The following ATP8B1 variants were observed in gnomAD, a reference collection of about 807,000 sequenced individuals.
ATP8B1 encodes the protein ATPase phospholipid transporting 8B1.
ATP8B1 carries 80 observed loss-of-function variants against 149.9 expected under a neutral mutation model. The ratio of observed to expected loss-of-function variants is 0.53; its 90% CI spans 0.45 to 0.64. ATP8B1 has a LOEUF of 0.64. Among genes scored for constraint, ATP8B1 ranks in the 30% least tolerant of loss-of-function variants. ATP8B1 has a pLI of 0.00. For synonymous variants in ATP8B1, 536 were observed against 562.8 expected (o/e 0.95, Z 0.67); for missense variants, 1,247 against 1,552.6 (o/e 0.80, Z 3.31).
chr18:57,700,526 G>A (rs555529532), intron 6 of ATP8B1, among the ~76,000 whole-genome samples: 1 of 152,070 alleles, frequency 6.6e-6, no homozygotes, highest in Non-Finnish European at 1.5e-5. Context: ...AAATTTTAAT[G>A]AATATTTCCT....
intron 1 of ATP8B1, among the ~76,000 whole-genome samples, chr18:57,789,826 G>T (rs2080444635): frequency 1.3e-5 from 2 of 152,100 alleles, no homozygotes; most frequent in African/African-American, 2.4e-5. Flanking sequence ...ACATAAATTA[G>T]TGCAAACTAA....
intron 1 of ATP8B1, among the ~76,000 whole-genome samples, chr18:57,777,935 C>G (rs2080321173): frequency 6.6e-6 from 1 of 152,124 alleles, no homozygotes; most frequent in Non-Finnish European, 1.5e-5. Context: ...ATTACTTATT[C>G]CAAAAATTAA....
chr18:57,795,228 C>T (rs1250400532), intron 1 of ATP8B1, among the ~76,000 whole-genome samples: 2 of 148,442 alleles, frequency 1.3e-5, no homozygotes, highest in African/African-American at 5.0e-5. Context: ...CACAGACACA[C>T]ACACACACAT....
At chr18:57,680,679 A>G (rs1439270644) in intron 15 of ATP8B1, among the ~76,000 whole-genome samples, 3 of 123,768 alleles carry the variant, frequency 2.4e-5, no homozygotes, top group African/African-American at 8.8e-5. Flanking sequence ...TTTCTCCTCA[A>G]TCCTCTCACC....
At chr18:57,711,755 A>C (rs1913698738) in intron 2 of ATP8B1, among the ~76,000 whole-genome samples, 1 of 151,936 alleles carries the variant, frequency 6.6e-6, no homozygotes, top group Non-Finnish European at 1.5e-5. Flanking sequence ...ATCGTACCTA[A>C]TTTTTAAATT....
chr18:57,664,368 G>T (rs763351735), intron 20 of ATP8B1, among the ~76,000 whole-genome samples: 1 of 151,492 alleles, frequency 6.6e-6, no homozygotes, highest in Non-Finnish European at 1.5e-5. Context: ...TTACCCAGGC[G>T]TGGTGGCGGT....
intron 15 of ATP8B1, among the ~76,000 whole-genome samples, chr18:57,680,585 A>AGAAAC (rs1555691193): frequency 4.2e-5 from 6 of 144,076 alleles, no homozygotes; most frequent in South Asian, 4.5e-4. Flanking sequence ...ACTTGGTCTC[A>AGAAAC]AAAACAAAAC....
At chr18:57,708,001 A>AGC (rs1913494123) in intron 2 of ATP8B1, among the ~76,000 whole-genome samples, 1 of 151,342 alleles carries the variant, frequency 6.6e-6, no homozygotes, top group Non-Finnish European at 1.5e-5. Flanking sequence ...TACTAAAAAC[A>AGC]CAAAAAAGTA....
At chr18:57,770,695 C>T (rs886952796) in intron 1 of ATP8B1, among the ~76,000 whole-genome samples, 2 of 152,246 alleles carry the variant, frequency 1.3e-5, no homozygotes, top group African/African-American at 2.4e-5. Context: ...GCAAACCACA[C>T]GCAGGGGACA....
intron 1 of ATP8B1, chr18:57,735,240 C>A: frequency 5.9e-6 from 1 of 170,646 alleles, no homozygotes; most frequent in Non-Finnish European, 1.2e-5. Flanking sequence ...CCGCTGACTT[C>A]CATCCCTCCA....
chr18:57,684,139 G>A lies in ATP8B1; in HGVS notation c.1527C>T (p.Asp509=), dbSNP rs755947237. The A allele has an allele frequency of 4.3e-6, 7 of 1,614,044 alleles. No individual in the cohort carries two copies. The highest frequency in any genetic ancestry group is 5.9e-6 in the Non-Finnish European group (7 of 1,179,972). ...TYADGKLAFY[D]HYLIEQIQSG... is the part of the protein sequence containing the mutation. ...ACTGGATTTGCTCAATAAGATAGTG[G>A]TCATAAAATGCAAGCTTCCCATCAG... Residue 509 remains aspartate (D), a synonymous_variant, in exon 15 of 28, where the codon GAC becomes GAT. Transcript: ENST00000648908.
chr18:57,707,274 C>T (rs112444094), intron 2 of ATP8B1, among the ~76,000 whole-genome samples: 20,564 of 151,808 alleles, frequency 0.14, 1,861 homozygotes, highest in South Asian at 0.28. Flanking sequence ...CTAGCCTGGG[C>T]GACAGAGCAA....
In ATP8B1 at chr18:57,783,287, A is replaced by G. The variant is rs190481701; in HGVS notation, c.-26+19711T>C. ...GGCATCTGATGGAACGCAGGCATGG[A>G]TAAGATAATATTTATATATCTTTAT... is the stretch of plus-strand genomic sequence containing the variant. On this transcript the variant is annotated intron_variant, in intron 1 of 27. Transcript: ENST00000648908. Among the ~76,000 whole-genome samples, 437 of 152,302 alleles carry G rather than the reference A, an allele frequency of 2.9e-3. 5 individuals are homozygous for G. Among genetic ancestry groups the G allele is most frequent in the Admixed American group, 0.024 (369 of 15,300 alleles).
intron 1 of ATP8B1, among the ~76,000 whole-genome samples, chr18:57,792,141 A>G (rs1369351009): frequency 1.3e-5 from 2 of 152,228 alleles, no homozygotes; most frequent in African/African-American, 4.8e-5. Flanking sequence ...CTGGGCACAA[A>G]ACATTCCTTT....
intron 6 of ATP8B1, among the ~76,000 whole-genome samples, chr18:57,700,665 G>A (rs1275038861): frequency 1.3e-5 from 2 of 152,146 alleles, no homozygotes; most frequent in Non-Finnish European, 2.9e-5. Flanking sequence ...GCTTACACCT[G>A]TAATCCCAAC....
At chr18:57,746,132 A>C (rs1315304447) in intron 1 of ATP8B1, among the ~76,000 whole-genome samples, 2 of 152,244 alleles carry the variant, frequency 1.3e-5, no homozygotes, top group African/African-American at 2.4e-5. Context: ...TTTAGAACTA[A>C]CATTTGCACT....
At chr18:57,764,757 C>CAAA (rs71171091) in intron 1 of ATP8B1, among the ~76,000 whole-genome samples, 11 of 104,148 alleles carry the variant, frequency 1.1e-4, no homozygotes, top group South Asian at 7.0e-4. Context: ...TTTCAGTTGT[C>CAAA]AAAAAAAAAA....
At chr18:57,800,574 G>A (rs749693148) in intron 1 of ATP8B1, among the ~76,000 whole-genome samples, 1 of 152,056 alleles carries the variant, frequency 6.6e-6, no homozygotes, top group Non-Finnish European at 1.5e-5. Context: ...CCAGATACCT[G>A]CAATAATAGT....
At chr18:57,791,014 G>A (rs1040570431) in intron 1 of ATP8B1, among the ~76,000 whole-genome samples, 6 of 152,130 alleles carry the variant, frequency 3.9e-5, no homozygotes, top group Admixed American at 1.3e-4. Context: ...GAGCCACCGC[G>A]TCCGGCCTTA....
Sources: allele counts gnomAD v4.1 joint callset (sites outside exome capture counted in the v4.1 genomes callset), GRCh38; gene constraint gnomAD v4.1.1; transcripts MANE v1.5; gene names NCBI Gene and HGNC (gene_info 2026-07-23, HGNC 2026-07-21).